Variants in PTPRD observed in about 807,000 individuals in gnomAD.
The protein encoded by PTPRD is protein tyrosine phosphatase receptor type D.
Under a neutral mutation model 214.5 loss-of-function variants are expected in PTPRD, and 34 were observed. The ratio of observed to expected loss-of-function variants is 0.16; its 90% CI spans 0.12 to 0.21. The LOEUF is 0.21. Among genes scored for constraint, PTPRD ranks in the 10% least tolerant of loss-of-function variants. PTPRD has a pLI of 1.00. For synonymous variants in PTPRD, 1,128 were observed against 845.7 expected, an observed-to-expected ratio of 1.33 and a Z score of -5.79; for missense variants, 2,545 against 2,398.7, an observed-to-expected ratio of 1.06 and a Z score of -1.27.
At chr9:9,231,969 G>T (rs2099963399) in intron 9 of PTPRD, among the ~76,000 whole-genome samples, 1 of 152,020 alleles carries the variant, frequency 6.6e-6, no homozygotes, top group African/African-American at 2.4e-5. Context: ...AGAATACAAT[G>T]GGACTGTCCA....
At chr9:8,736,633 C>A (rs953886448) in intron 11 of PTPRD, among the ~76,000 whole-genome samples, 1 of 151,460 alleles carries the variant, frequency 6.6e-6, no homozygotes, top group African/African-American at 2.4e-5. Flanking sequence ...TATTCATAAG[C>A]GGTTTGAATG....
chr9:8,584,236 T>C (rs1356298771), intron 14 of PTPRD, among the ~76,000 whole-genome samples: 1 of 152,166 alleles, frequency 6.6e-6, no homozygotes, highest in African/African-American at 2.4e-5. Context: ...AAATATATTT[T>C]CCATACCCAA....
intron 11 of PTPRD, among the ~76,000 whole-genome samples, chr9:8,862,629 A>C (rs2154545991): frequency 6.6e-6 from 1 of 152,358 alleles, no homozygotes; most frequent in East Asian, 1.9e-4. Flanking sequence ...AAAAGGAGGC[A>C]GCTGGAGATT....
At chr9:9,731,770 G>C (rs2098198178) in intron 7 of PTPRD, among the ~76,000 whole-genome samples, 1 of 152,016 alleles carries the variant, frequency 6.6e-6, no homozygotes, top group Non-Finnish European at 1.5e-5. Context: ...GAGAACACTT[G>C]GACACAGTAA....
At chr9:8,350,271 A>C (rs2075086615) in intron 39 of PTPRD, among the ~76,000 whole-genome samples, 1 of 152,076 alleles carries the variant, frequency 6.6e-6, no homozygotes, top group African/African-American at 2.4e-5. Flanking sequence ...TTTAATGCTG[A>C]CCCTTTCCTG....
intron 12 of PTPRD, among the ~76,000 whole-genome samples, chr9:8,645,621 C>T (rs1194774308): frequency 6.6e-6 from 1 of 151,768 alleles, no homozygotes; most frequent in Non-Finnish European, 1.5e-5. Context: ...CTGATAGGCA[C>T]ACTGACAGAC....
At chr9:9,960,238 T>C (rs879580654) in intron 4 of PTPRD, among the ~76,000 whole-genome samples, 3 of 101,654 alleles carry the variant, frequency 3.0e-5, no homozygotes, top group Non-Finnish European at 4.2e-5. Context: ...AAAAAAAAAA[T>C]AGTGTGTCAA....
chr9:9,744,473 A>G (rs1444023606), intron 6 of PTPRD, among the ~76,000 whole-genome samples: 2 of 152,132 alleles, frequency 1.3e-5, no homozygotes, highest in African/African-American at 2.4e-5. Flanking sequence ...GTGAGCTTAC[A>G]GAACTTACCT....
At chr9:9,365,569 A>G (rs1390631893) in intron 9 of PTPRD, among the ~76,000 whole-genome samples, 1 of 151,558 alleles carries the variant, frequency 6.6e-6, no homozygotes, top group Non-Finnish European at 1.5e-5. Flanking sequence ...GAGTATGGCC[A>G]ATACAACTAA....
At chr9:9,265,711 G>T (rs529750214) in intron 9 of PTPRD, among the ~76,000 whole-genome samples, 1 of 150,672 alleles carries the variant, frequency 6.6e-6, no homozygotes, top group African/African-American at 2.4e-5. Flanking sequence ...AGAATCTATA[G>T]TATATACACA....
At chr9:9,094,930 C>T (rs1259388621) in intron 10 of PTPRD, among the ~76,000 whole-genome samples, 1 of 152,058 alleles carries the variant, frequency 6.6e-6, no homozygotes, top group African/African-American at 2.4e-5. Flanking sequence ...TTCTCAAAAA[C>T]CTAATAGCAA....
At chr9:8,727,232 G>C (rs1258894616) in intron 12 of PTPRD, among the ~76,000 whole-genome samples, 2 of 152,168 alleles carry the variant, frequency 1.3e-5, no homozygotes, top group East Asian at 1.9e-4. Context: ...AAAAAAGCAA[G>C]TCCTACTATA....
intron 2 of PTPRD, among the ~76,000 whole-genome samples, chr9:10,344,822 CTGTT>C (rs1391566666): frequency 3.9e-5 from 6 of 152,076 alleles, no homozygotes; most frequent in Non-Finnish European, 8.8e-5. Flanking sequence ...ATTTGGTTCT[CTGTT>C]TGTCTGTTAT....
intron 7 of PTPRD, among the ~76,000 whole-genome samples, chr9:9,712,849 T>C (rs2097761303): frequency 6.6e-6 from 1 of 152,206 alleles, no homozygotes; most frequent in Admixed American, 6.5e-5. Context: ...AACTATTTTA[T>C]GGTATTTGTT....
At chr9:10,041,793 T>C (rs1168931981) in intron 3 of PTPRD, among the ~76,000 whole-genome samples, 1 of 152,074 alleles carries the variant, frequency 6.6e-6, no homozygotes, top group Non-Finnish European at 1.5e-5. Flanking sequence ...AATTCATTTC[T>C]TAAAGTTAAT....
intron 3 of PTPRD, among the ~76,000 whole-genome samples, chr9:10,160,235 C>T (rs2099119258): frequency 6.6e-6 from 1 of 151,926 alleles, no homozygotes; most frequent in African/African-American, 2.4e-5. Flanking sequence ...AGGTATACAC[C>T]AATAAATTGG....
At chr9:9,396,578 C>G (rs1380008203) in intron 9 of PTPRD, among the ~76,000 whole-genome samples, 1 of 151,854 alleles carries the variant, frequency 6.6e-6, no homozygotes, top group East Asian at 1.9e-4. Flanking sequence ...TTTTTTACGC[C>G]TTCAAAATTG....
At chr9:8,901,917 C>G (rs1015669445) in intron 11 of PTPRD, among the ~76,000 whole-genome samples, 1 of 152,166 alleles carries the variant, frequency 6.6e-6, no homozygotes, top group Non-Finnish European at 1.5e-5. Context: ...CAAGTACCAG[C>G]TCTCTGGCTT....
intron 42 of PTPRD, among the ~76,000 whole-genome samples, chr9:8,339,297 T>C (rs1273040666): frequency 6.6e-6 from 1 of 152,128 alleles, no homozygotes; most frequent in Non-Finnish European, 1.5e-5. Flanking sequence ...CTGCTTAATA[T>C]ACACGAGTTG....
Sources: allele counts gnomAD v4.1 joint callset (sites outside exome capture counted in the v4.1 genomes callset), GRCh38; gene constraint gnomAD v4.1.1; transcripts MANE v1.5; gene names NCBI Gene and HGNC (gene_info 2026-07-23, HGNC 2026-07-21).